Variants in CREB5 observed in about 807,000 individuals in gnomAD.
CREB5 encodes cAMP responsive element binding protein 5, also known as cyclic AMP-responsive element-binding protein 5.
A neutral mutation model predicts 57.1 loss-of-function variants in CREB5; 19 were observed. The observed-to-expected ratio is 0.33, with a 90% CI of 0.23 to 0.49. CREB5 has a LOEUF of 0.49. Among genes scored for constraint, CREB5 ranks in the 20% least tolerant of loss-of-function variants. CREB5 has a pLI of 0.99. For synonymous variants in CREB5, 238 were observed against 238.3 expected, an observed-to-expected ratio of 1.00 and a Z score of 0.01; for missense variants, 579 against 671.6, an observed-to-expected ratio of 0.86 and a Z score of 1.52.
intron 1 of CREB5, among the ~76,000 whole-genome samples, chr7:28,429,488 A>T (rs1295773294): frequency 6.6e-6 from 1 of 152,230 alleles, no homozygotes; most frequent in Admixed American, 6.5e-5. Flanking sequence ...AATACTTTAC[A>T]CTTGATGCGT....
intron 1 of CREB5, among the ~76,000 whole-genome samples, chr7:28,364,293 T>C (rs1786546134): frequency 6.6e-6 from 1 of 152,212 alleles, no homozygotes; most frequent in Non-Finnish European, 1.5e-5. Flanking sequence ...GGTGGTGACA[T>C]ACCCAAATTG....
chr7:28,640,695 G>A (rs78425392), intron 5 of CREB5, among the ~76,000 whole-genome samples: 1 of 152,160 alleles, frequency 6.6e-6, no homozygotes, highest in Non-Finnish European at 1.5e-5. Context: ...AATTGGGAGT[G>A]TTGCCAGGAC....
At chr7:28,538,269 G>A (rs1007533910) in intron 4 of CREB5, among the ~76,000 whole-genome samples, 3 of 152,108 alleles carry the variant, frequency 2.0e-5, no homozygotes, top group Non-Finnish European at 2.9e-5. Flanking sequence ...GGCCAGGCTG[G>A]TCTCGAACTC....
chr7:28,598,422 G>A (rs1029425547), intron 5 of CREB5, among the ~76,000 whole-genome samples: 20 of 152,172 alleles, frequency 1.3e-4, no homozygotes, highest in Non-Finnish European at 1.5e-5. Flanking sequence ...CAACCATTCC[G>A]AGGGCTGGGA....
intron 1 of CREB5, among the ~76,000 whole-genome samples, chr7:28,363,073 G>T (rs1187880906): frequency 6.6e-6 from 1 of 152,174 alleles, no homozygotes; most frequent in Non-Finnish European, 1.5e-5. Flanking sequence ...AGCAGCCATT[G>T]TGTATCACTT....
chr7:28,579,069 T>C (rs1454900329), intron 5 of CREB5, among the ~76,000 whole-genome samples: 1 of 152,224 alleles, frequency 6.6e-6, no homozygotes, highest in Non-Finnish European at 1.5e-5. Context: ...GACTGTACCA[T>C]GCATGAGCTC....
chr7:28,697,812 A>T (rs1477092509), intron 5 of CREB5, among the ~76,000 whole-genome samples: 1 of 152,150 alleles, frequency 6.6e-6, no homozygotes, highest in Admixed American at 6.5e-5. Flanking sequence ...TCTTCAGTTG[A>T]TGTATGAGCA....
intron 5 of CREB5, among the ~76,000 whole-genome samples, chr7:28,651,771 T>G (rs1799138175): frequency 6.6e-6 from 1 of 152,208 alleles, no homozygotes; most frequent in Non-Finnish European, 1.5e-5. Context: ...ATATTACATT[T>G]TGATTTTAAT....
Position 28,406,654 on chromosome 7 carries a change from A to G in CREB5, c.-24-88252A>G, listed in dbSNP as rs111908742. On this transcript the variant is annotated intron_variant, in intron 1 of 9. Transcript: ENST00000396299. ...CCCCAGGGGGCAAATGCCCCAGGCC[A>G]TGGCCACCGCCAGTGGAGGCACCCT... Among the ~76,000 whole-genome samples the G allele has an allele frequency of 2.2e-3, 328 of 152,326 alleles. 3 individuals carry two copies. The highest frequency in any genetic ancestry group is 7.5e-3 in the African/African-American group (313 of 41,576).
intron 1 of CREB5, among the ~76,000 whole-genome samples, chr7:28,474,701 G>A (rs1000437765): frequency 2.0e-5 from 3 of 152,124 alleles, no homozygotes; most frequent in Non-Finnish European, 4.4e-5. Flanking sequence ...CTATCACTTC[G>A]AGAAGACCAG....
intron 4 of CREB5, among the ~76,000 whole-genome samples, chr7:28,521,240 C>G (rs1793194837): frequency 2.0e-5 from 3 of 152,194 alleles, no homozygotes; most frequent in South Asian, 2.1e-4. Flanking sequence ...CAGGAAACAT[C>G]TCAATTAGAG....
chr7:28,308,127 TA>T (rs1785219739), intron 1 of CREB5, among the ~76,000 whole-genome samples: 1 of 152,162 alleles, frequency 6.6e-6, no homozygotes, highest in South Asian at 2.1e-4. Flanking sequence ...CAGGCAGCCT[TA>T]GGGGCCCTGA....
At chr7:28,504,585 T>C (rs1309734128) in intron 3 of CREB5, among the ~76,000 whole-genome samples, 1 of 152,200 alleles carries the variant, frequency 6.6e-6, no homozygotes, top group Non-Finnish European at 1.5e-5. Context: ...TAAACCCATC[T>C]CAAACCAAAC....
At chr7:28,457,351 A>C (rs1562729463) in intron 1 of CREB5, among the ~76,000 whole-genome samples, 1 of 152,118 alleles carries the variant, frequency 6.6e-6, no homozygotes, top group South Asian at 2.1e-4. Flanking sequence ...TAAGGACCTA[A>C]ATTTATACAT....
chr7:28,518,970 T>A (rs1045893610), intron 4 of CREB5, among the ~76,000 whole-genome samples: 1 of 152,206 alleles, frequency 6.6e-6, no homozygotes, highest in African/African-American at 2.4e-5. Context: ...TACATCAAGA[T>A]CTGAAGAATT....
chr7:28,702,749 G>A lies in CREB5; in HGVS notation c.465-16004G>A, dbSNP rs1801926792. Among the ~76,000 whole-genome samples the A allele has an allele frequency of 2.6e-5, 4 of 152,178 alleles. No homozygotes were observed. The South Asian group carries it at 8.3e-4, about 31-fold the overall frequency. On this transcript the variant is annotated intron_variant, in intron 5 of 10. Coordinates refer to ENST00000357727, the MANE Select transcript of CREB5 (RefSeq NM_182898.4). ...AGAAATAGCATGAAGGAAAACCACA[G>A]GGGCCTATGTGACCCTTTAACTTTG...
At chr7:28,522,735 GTTGAGCTTCGTC>G (rs1793264001) in intron 4 of CREB5, among the ~76,000 whole-genome samples, 1 of 152,186 alleles carries the variant, frequency 6.6e-6, no homozygotes, top group Non-Finnish European at 1.5e-5. Flanking sequence ...TAAGGCTTCT[GTTGAGCTTCGTC>G]TTAGCTCTGG....
At chr7:28,435,091 CTTT>C (rs397702746) in intron 1 of CREB5, among the ~76,000 whole-genome samples, 1 of 132,772 alleles carries the variant, frequency 7.5e-6, no homozygotes, top group African/African-American at 2.8e-5. Context: ...GGCCACCTGG[CTTT>C]TTTTTTTTTT....
chr7:28,603,280 G>T (rs1024568904), intron 5 of CREB5, among the ~76,000 whole-genome samples: 1 of 152,006 alleles, frequency 6.6e-6, no homozygotes, highest in African/African-American at 2.4e-5. Flanking sequence ...AGTATTCAAC[G>T]GTAGAAAACT....
Sources: allele counts gnomAD v4.1 joint callset (sites outside exome capture counted in the v4.1 genomes callset), GRCh38; gene constraint gnomAD v4.1.1; transcripts MANE v1.5; gene names NCBI Gene and HGNC (gene_info 2026-07-23, HGNC 2026-07-21).